SLC6A13: variants seen among roughly 807,000 people sequenced by gnomAD.
The protein encoded by SLC6A13 is sodium- and chloride-dependent GABA transporter 2.
A neutral mutation model predicts 72.9 loss-of-function variants in SLC6A13; 69 were observed. That is an observed-to-expected ratio of 0.95 (90% CI 0.78 to 1.16). The LOEUF is 1.16. Among genes scored for constraint, SLC6A13 ranks in the 50% most tolerant of loss-of-function variants. SLC6A13 has a pLI of 0.00. For synonymous variants in SLC6A13, 303 were observed against 303.0 expected, an observed-to-expected ratio of 1.00 and a Z score of 0.00; for missense variants, 735 against 760.5, an observed-to-expected ratio of 0.97 and a Z score of 0.39.
chr12:230,972 G>T (rs111699036), intron 7 of SLC6A13, among the ~76,000 whole-genome samples: 7,523 of 152,336 alleles, frequency 0.049, 236 homozygotes, highest in Middle Eastern at 0.12. Context: ...GTTCTAATCG[G>T]TGATTTCAGC....
intron 12 of SLC6A13, 68 bp downstream of exon 12, chr12:223,064 C>A: frequency 2.1e-6 from 2 of 953,780 alleles, no homozygotes; most frequent in South Asian, 2.9e-5. Flanking sequence ...ATGTCTGTTT[C>A]GTGTCTAAGG....
chr12:240,467 A>C (rs1423456354), intron 4 of SLC6A13, among the ~76,000 whole-genome samples: 2 of 152,236 alleles, frequency 1.3e-5, no homozygotes, highest in African/African-American at 4.8e-5. Context: ...GGCCTCCCAA[A>C]GTGCTAGGAT....
chr12:235,387 T>C (rs11610036), intron 6 of SLC6A13, among the ~76,000 whole-genome samples, 163 bp from the exon 7 acceptor site: 16,918 of 152,162 alleles, frequency 0.11, 1,004 homozygotes, highest in African/African-American at 0.15. Context: ...TGCAGGAAGT[T>C]AGGGACCCCG....
At chr12:221,714 C>T (rs1017585025) in intron 13 of SLC6A13, among the ~76,000 whole-genome samples, 168 bp from the exon 14 acceptor site, 53 of 152,324 alleles carry the variant, frequency 3.5e-4, no homozygotes, top group African/African-American at 1.3e-3. Flanking sequence ...TGCCCAAAAC[C>T]CACACCCTCC....
intron 12 of SLC6A13, 31 bp downstream of exon 12, chr12:223,101 G>A: frequency 7.5e-7 from 1 of 1,338,428 alleles, no homozygotes; most frequent in Non-Finnish European, 1.1e-6. Context: ...ACAAGAGGAG[G>A]ATGCTGGGAC....
chr12:252,081 G>A (rs1411714072), intron 2 of SLC6A13, among the ~76,000 whole-genome samples: 3 of 152,162 alleles, frequency 2.0e-5, no homozygotes, highest in African/African-American at 7.2e-5. Context: ...AAGATACCTC[G>A]ATAACAAAGG....
chr12:249,513 G>A (rs1942466295), intron 2 of SLC6A13, among the ~76,000 whole-genome samples: 1 of 152,020 alleles, frequency 6.6e-6, no homozygotes, highest in Admixed American at 6.6e-5. Flanking sequence ...GCCAGTAAGT[G>A]CAACAATTTA....
intron 9 of SLC6A13, among the ~76,000 whole-genome samples, 158 bp downstream of exon 9, chr12:226,232 T>A (rs1941445668): frequency 6.6e-6 from 1 of 152,214 alleles, no homozygotes; most frequent in African/African-American, 2.4e-5. Flanking sequence ...CTGGAATGAC[T>A]GTTTCAATTC....
At chr12:248,626 C>A (rs12826998) in intron 2 of SLC6A13, among the ~76,000 whole-genome samples, 10,079 of 152,062 alleles carry the variant, frequency 0.066, 481 homozygotes, top group Non-Finnish European at 0.095. Flanking sequence ...TCAAAATGCA[C>A]GAAGCAAAAA....
intron 9 of SLC6A13, among the ~76,000 whole-genome samples, chr12:225,256 T>C (rs928125742): frequency 6.6e-6 from 1 of 152,172 alleles, no homozygotes; most frequent in African/African-American, 2.4e-5. Context: ...AGCTCCCACA[T>C]TGGTGAGGTG....
chr12:234,229 G>A (rs1941832942), intron 7 of SLC6A13, among the ~76,000 whole-genome samples: 1 of 152,188 alleles, frequency 6.6e-6, no homozygotes, highest in Non-Finnish European at 1.5e-5. Flanking sequence ...TTATGCATTA[G>A]CATGCTGAAA....
chr12:222,460 AC>A (rs1941250857), intron 13 of SLC6A13, 71 bp downstream of exon 13: 2 of 874,016 alleles, frequency 2.3e-6, no homozygotes, highest in South Asian at 3.3e-5. Flanking sequence ...TGCAGGGCTA[AC>A]GGCTTCTCTA....
In SLC6A13 at chr12:242,613, C is replaced by T. The variant is rs1444693652; in HGVS notation, c.478+1G>A. 13 of 1,613,584 alleles carry T rather than the reference C, an allele frequency of 8.1e-6. No individual in the cohort carries two copies. Among genetic ancestry groups the T allele is most frequent in the East Asian group, 2.2e-5 (1 of 44,868 alleles). ...AGTGGACCCTTGGGTGAGGACCATA[C>T]CTGTGTTCCACTCATGGTAGCAGCC... On this transcript the variant is annotated splice_donor_variant, in intron 4 of 14. Transcript: ENST00000343164. LOFTEE classifies it high-confidence loss of function.
At chr12:262,700 A>C (rs1942966946) in intron 1 of SLC6A13, 89 bp downstream of exon 1, 1 of 985,266 alleles carries the variant, frequency 1.0e-6, no homozygotes, top group Admixed American at 6.1e-5. Flanking sequence ...GGTAAGAAAA[A>C]AGTCCTTTGG....
Position 259,937 on chromosome 12 carries a change from A to G in SLC6A13, c.116T>C (p.Met39Thr). Reference protein sequence around the residue: ...TLERGHWNNKMEFVLSVAGEI... With the variant: ...TLERGHWNNKTEFVLSVAGEI... ...CCCAGCCACTGACAGCACAAACTCC[A>G]TCTTGTTGTTCCAGTGCCCCCGCTC... is the stretch of plus-strand genomic sequence containing the variant. The change falls in exon 2 of 15, where the codon ATG becomes ACG. Residue 39 changes from methionine (M) to threonine (T), a missense_variant. Coordinates refer to ENST00000343164, the MANE Select transcript of SLC6A13 (RefSeq NM_016615.5). 5 of 1,614,142 alleles carry G rather than the reference A, an allele frequency of 3.1e-6. No individual in the cohort carries two copies. The highest frequency in any genetic ancestry group is 4.2e-6 in the Non-Finnish European group (5 of 1,180,006).
At chr12:257,881 C>A (rs1218722695) in intron 2 of SLC6A13, among the ~76,000 whole-genome samples, 1 of 152,202 alleles carries the variant, frequency 6.6e-6, no homozygotes, top group Non-Finnish European at 1.5e-5. Flanking sequence ...CCAGGCCAAC[C>A]TTTACCCAAT....
chr12:238,528 T>C (rs577890158), intron 4 of SLC6A13, among the ~76,000 whole-genome samples: 41 of 152,302 alleles, frequency 2.7e-4, no homozygotes, highest in African/African-American at 6.5e-4. Context: ...TTACGTAGGA[T>C]TGATAAGAAA....
At chr12:223,479 A>G (rs921466359) in intron 11 of SLC6A13, among the ~76,000 whole-genome samples, 8 of 152,246 alleles carry the variant, frequency 5.3e-5, no homozygotes, top group African/African-American at 1.7e-4. Flanking sequence ...GTTAGATTAC[A>G]TCTGAGAACA....
chr12:222,128 G>A (rs934759906), intron 13 of SLC6A13, among the ~76,000 whole-genome samples: 1 of 152,188 alleles, frequency 6.6e-6, no homozygotes, highest in Non-Finnish European at 1.5e-5. Context: ...TCCTTTATGG[G>A]ACTCTTGTGA....
Sources: gnomAD v4.1 joint callset for allele counts (sites outside exome capture counted in the v4.1 genomes callset) on GRCh38, gnomAD v4.1.1 for gene constraint, MANE v1.5 for transcripts, NCBI Gene and HGNC (gene_info 2026-07-23, HGNC 2026-07-21) for gene names.